TTC39B: variants seen among roughly 807,000 people sequenced by gnomAD.
TTC39B encodes the protein tetratricopeptide repeat domain 39B, also known as tetratricopeptide repeat protein 39B.
TTC39B carries 92 observed loss-of-function variants against 96.6 expected under a neutral mutation model. The observed-to-expected ratio is 0.95, with a 90% CI of 0.80 to 1.13. The LOEUF (loss-of-function observed/expected upper bound fraction) is 1.13. Ranked by LOEUF, TTC39B falls within the 50% of genes most tolerant of loss-of-function variation. The pLI is 0.00. For missense variants in TTC39B, 955 were observed against 809.3 expected, an observed-to-expected ratio of 1.18 and a Z score of -2.18; for synonymous variants, 367 against 299.4, an observed-to-expected ratio of 1.23 and a Z score of -2.33.
At chr9:15,274,035 AT>A (rs1403831706) in intron 1 of TTC39B, among the ~76,000 whole-genome samples, 1 of 152,202 alleles carries the variant, frequency 6.6e-6, no homozygotes, top group East Asian at 1.9e-4. Flanking sequence ...CACCTGGAGG[AT>A]TCCTCAAATA....
intron 3 of TTC39B, among the ~76,000 whole-genome samples, chr9:15,217,650 C>T (rs1218095288): frequency 6.6e-6 from 1 of 152,186 alleles, no homozygotes; most frequent in Non-Finnish European, 1.5e-5. Context: ...TTGAGACTCT[C>T]ATCACTTCAG....
At chr9:15,226,108 T>C in intron 2 of TTC39B, 96 bp from the exon 3 acceptor site, 1 of 949,492 alleles carries the variant, frequency 1.1e-6, no homozygotes, top group Non-Finnish European at 1.6e-6. Flanking sequence ...CTTCCAATTA[T>C]TTTTATACAT....
intron 2 of TTC39B, among the ~76,000 whole-genome samples, chr9:15,247,894 A>G (rs2131495078): frequency 6.6e-6 from 1 of 152,168 alleles, no homozygotes; most frequent in South Asian, 2.1e-4. Flanking sequence ...ACCTATGACT[A>G]AGGGACATAA....
chr9:15,231,179 T>A (rs1462293053), intron 2 of TTC39B, among the ~76,000 whole-genome samples: 4 of 152,194 alleles, frequency 2.6e-5, no homozygotes, highest in Non-Finnish European at 5.9e-5. Flanking sequence ...CCGATTTTTT[T>A]AATTTTTATT....
At chr9:15,183,391 C>CT in intron 16 of TTC39B, 1 of 419,056 alleles carries the variant, frequency 2.4e-6, no homozygotes, top group Non-Finnish European at 4.7e-6. Flanking sequence ...TTGATAAAAT[C>CT]TTTTTATCAG....
intron 1 of TTC39B, among the ~76,000 whole-genome samples, chr9:15,283,943 A>G (rs1362468918): frequency 1.3e-5 from 2 of 152,092 alleles, no homozygotes; most frequent in African/African-American, 4.8e-5. Flanking sequence ...AAACACAAAG[A>G]CCAGAAGCCT....
intron 1 of TTC39B, among the ~76,000 whole-genome samples, chr9:15,274,917 A>AT (rs1823483435): frequency 6.6e-6 from 1 of 152,340 alleles, no homozygotes; most frequent in Admixed American, 6.5e-5. Context: ...TGCTTTAGAA[A>AT]TTTTTAAACA....
Position 15,217,888 on chromosome 9 carries a change from C to T in TTC39B, c.372-3639G>A, listed in dbSNP as rs540726693. ...GGCTCACCATACCTGTCCAACCAGA[C>T]CGGAATGATGAGCAAGGCAATTTAA... On this transcript the variant is annotated intron_variant, in intron 3 of 19. Coordinates refer to ENST00000512701, the Ensembl canonical transcript of TTC39B. Among the ~76,000 whole-genome samples the T allele has an allele frequency of 1.1e-4, 16 of 152,208 alleles. No homozygotes were observed. In the East Asian group the frequency reaches 2.3e-3, roughly 22 times the overall value.
Position 15,306,467 on chromosome 9 carries a change from G to A in TTC39B, c.240+617C>T, listed in dbSNP as rs1824757182. Among the ~76,000 whole-genome samples, 1 of 152,176 alleles carries A rather than the reference G, an allele frequency of 6.6e-6. No individual in the cohort carries two copies. Among genetic ancestry groups the A allele is most frequent in the African/African-American group, 2.4e-5 (1 of 41,444 alleles). On this transcript the variant is annotated intron_variant, in intron 1 of 19. Coordinates refer to ENST00000512701, the Ensembl canonical transcript of TTC39B. This position sits in a 1 kb window ranked among gnomAD's most constrained non-coding sequence, Gnocchi z 5.1. ...GAGGACCTGCTAGGGGAAGTGTCCC[G>A]GCCCCGTGGAGGGAGAGGGAAGCAC... is the stretch of plus-strand genomic sequence containing the variant.
intron 1 of TTC39B, among the ~76,000 whole-genome samples, chr9:15,278,364 T>C (rs1196676125): frequency 6.6e-6 from 1 of 152,174 alleles, no homozygotes; most frequent in African/African-American, 2.4e-5. Flanking sequence ...ATATGTAAAA[T>C]AAAACTTTTT....
intron 2 of TTC39B, among the ~76,000 whole-genome samples, chr9:15,229,050 AT>A (rs1011818579): frequency 5.9e-5 from 9 of 152,196 alleles, no homozygotes; most frequent in African/African-American, 1.7e-4. Context: ...ATTAAACAGG[AT>A]TTTTTTAGAT....
intron 2 of TTC39B, among the ~76,000 whole-genome samples, chr9:15,234,331 C>A (rs1821648507): frequency 6.7e-6 from 1 of 148,388 alleles, no homozygotes; most frequent in African/African-American, 2.5e-5. Flanking sequence ...CCCCGCCCAG[C>A]CAGCCGCCCC....
In TTC39B at chr9:15,171,901, C is replaced by CA. The variant is rs971907057; in HGVS notation, c.*117dup. Reference sequence around the variant, plus strand: ...CTCTCAGATGATAGAAAATATTGACCAAAAAAACTGTTTTTTTGTCTCTTA... The same window carrying CA: ...CTCTCAGATGATAGAAAATATTGACCAAAAAAAACTGTTTTTTTGTCTCTTA... On this transcript the variant is annotated 3_prime_UTR_variant, in exon 20 of 20. Coordinates refer to ENST00000512701, the Ensembl canonical transcript of TTC39B. 7.3e-5 allele frequency: 49 copies of CA among 669,788 alleles called. 1 individual carries two copies. The South Asian group carries it at 1.1e-3, about 16-fold the overall frequency. The allele number at this position is 669,788 out of a possible 1,614,324, so 41.5% of individuals were successfully genotyped here.
At chr9:15,228,823 C>G (rs1586918665) in intron 2 of TTC39B, among the ~76,000 whole-genome samples, 1 of 152,126 alleles carries the variant, frequency 6.6e-6, no homozygotes, top group East Asian at 1.9e-4. Flanking sequence ...GTATCTTTAC[C>G]TGGCACAACA....
At chr9:15,193,701 T>G (rs1470395792) in intron 8 of TTC39B, among the ~76,000 whole-genome samples, 3 of 152,380 alleles carry the variant, frequency 2.0e-5, no homozygotes, top group African/African-American at 4.8e-5. Flanking sequence ...TTCTGATTTC[T>G]GATTTTATGC....
chr9:15,285,654 A>T (rs1384562964), intron 1 of TTC39B, among the ~76,000 whole-genome samples: 3 of 152,126 alleles, frequency 2.0e-5, no homozygotes, highest in Non-Finnish European at 4.4e-5. Context: ...GGAGATGGAG[A>T]CCATCCTGGC....
At chr9:15,211,042 G>A (rs1402069324) in intron 5 of TTC39B, among the ~76,000 whole-genome samples, 1 of 124,002 alleles carries the variant, frequency 8.1e-6, no homozygotes, top group Non-Finnish European at 1.7e-5. Flanking sequence ...AAATCCCCCC[G>A]AAATCCCCCC....
exon 20 of TTC39B, chr9:15,164,252 G>C (rs1265347942): frequency 6.6e-6 from 1 of 152,174 alleles, no homozygotes; most frequent in African/African-American, 2.4e-5. Flanking sequence ...AAGAGAAAAA[G>C]ATAAAATGCT....
chr9:15,272,399 C>G (rs74415299), intron 1 of TTC39B, among the ~76,000 whole-genome samples: 5,131 of 152,276 alleles, frequency 0.034, 285 homozygotes, highest in African/African-American at 0.12. Context: ...AACACGCACA[C>G]TCAGAGGAGC....
Sources: gnomAD v4.1 joint callset for allele counts (sites outside exome capture counted in the v4.1 genomes callset) on GRCh38, gnomAD v4.1.1 for gene constraint, Gnocchi (gnomAD v3.1) non-coding constraint, MANE v1.5 for transcripts, NCBI Gene and HGNC (gene_info 2026-07-23, HGNC 2026-07-21) for gene names.